Variants in PIK3C2B observed in about 807,000 individuals in gnomAD.
The protein encoded by PIK3C2B is phosphatidylinositol 4-phosphate 3-kinase C2 domain-containing subunit beta.
Under a neutral mutation model 184.3 loss-of-function variants are expected in PIK3C2B, and 83 were observed. That is an observed-to-expected ratio of 0.45 (90% CI 0.38 to 0.54). The LOEUF is 0.54. PIK3C2B is among the 20% of genes least tolerant of loss of function. PIK3C2B has a pLI of 0.00. For missense variants in PIK3C2B, 1,736 were observed against 2,113.5 expected (o/e 0.82, Z 3.50); for synonymous variants, 779 against 837.6 (o/e 0.93, Z 1.21).
chr1:204,434,669 G>C, intron 23 of PIK3C2B, 61 bp from the exon 24 acceptor site: 2 of 1,433,534 alleles, frequency 1.4e-6, no homozygotes, highest in South Asian at 2.6e-5. Context: ...AGGACTCCAG[G>C]GGCCACAGCC....
chr1:204,475,930 C>T (rs1480569398), intron 1 of PIK3C2B, among the ~76,000 whole-genome samples: 1 of 152,134 alleles, frequency 6.6e-6, no homozygotes, highest in African/African-American at 2.4e-5. Context: ...ACTGGCAATG[C>T]TCCTCCCAAA....
intron 1 of PIK3C2B, among the ~76,000 whole-genome samples, chr1:204,486,327 G>A (rs1382501979): frequency 6.6e-6 from 1 of 150,726 alleles, no homozygotes; most frequent in African/African-American, 2.4e-5. Context: ...CCCGGGAGGT[G>A]GAGGTTGCAG....
chr1:204,427,603 G>C, intron 31 of PIK3C2B, 45 bp downstream of exon 31: 1 of 1,359,888 alleles, frequency 7.4e-7, no homozygotes, highest in Non-Finnish European at 1.0e-6. Context: ...AGTAGCTAAA[G>C]AAACATTAAA....
At position 204,438,986 on chromosome 1, in the gene PIK3C2B, G is replaced by T; in HGVS notation, c.3465C>A (p.Pro1155=). ...HGVTGSFKDR[P]LADWLQKHNP... ...TGTGTTTCTGCAGCCAGTCTGCCAG[G>T]GGCCGGTCCTTGAACGAGCCGGTCA... Residue 1155 remains proline, a synonymous_variant, in exon 23 of 33, where the codon CCC becomes CCA. Transcript: ENST00000684373. 6.2e-7 allele frequency: 1 copy of T among 1,614,124 alleles called. No homozygotes were observed. Among genetic ancestry groups the T allele is most frequent in the Non-Finnish European group, 8.5e-7 (1 of 1,180,028 alleles).
At chr1:204,473,545 G>C (rs972101487) in intron 1 of PIK3C2B, among the ~76,000 whole-genome samples, 2 of 152,230 alleles carry the variant, frequency 1.3e-5, no homozygotes, top group African/African-American at 4.8e-5. Flanking sequence ...GGAGATACCA[G>C]ATAAATGCTC....
chr1:204,460,258 G>C (rs999254723), intron 7 of PIK3C2B, 66 bp downstream of exon 7: 3 of 1,299,946 alleles, frequency 2.3e-6, no homozygotes, highest in African/African-American at 2.9e-5. Flanking sequence ...AGGCAAGCAG[G>C]CACATCTGAT....
intron 29 of PIK3C2B, 53 bp downstream of exon 29, chr1:204,429,868 C>T: frequency 8.2e-7 from 1 of 1,225,072 alleles, no homozygotes; most frequent in Non-Finnish European, 1.2e-6. Context: ...CCTCTGCCTC[C>T]CCAACCATCC....
At chr1:204,466,775 G>A (rs550960198) in intron 2 of PIK3C2B, 11 of 503,782 alleles carry the variant, frequency 2.2e-5, no homozygotes, top group Non-Finnish European at 4.0e-5. Context: ...ACTTACGTTT[G>A]CCCAGCTGGC....
chr1:204,443,824 C>T (rs1042415443), intron 18 of PIK3C2B, among the ~76,000 whole-genome samples: 11 of 152,222 alleles, frequency 7.2e-5, no homozygotes. Context: ...CCCTCTGCAT[C>T]TTGTTTCTCC....
At chr1:204,487,806 G>T (rs868591253) in intron 1 of PIK3C2B, among the ~76,000 whole-genome samples, 6 of 152,090 alleles carry the variant, frequency 3.9e-5, no homozygotes, top group Non-Finnish European at 5.9e-5. Flanking sequence ...TGAGCTTATA[G>T]GATTACCCCA....
intron 3 of PIK3C2B, 78 bp from the exon 4 acceptor site, chr1:204,464,682 C>T (rs1655611074): frequency 1.4e-6 from 2 of 1,393,452 alleles, no homozygotes; most frequent in African/African-American, 1.4e-5. Context: ...GAACCTCATG[C>T]TCTGAGGCTC....
chr1:204,435,404 T>C lies in PIK3C2B; in HGVS notation c.3517-796A>G, dbSNP rs554706986. 2.6e-5 allele frequency: 4 copies of C among 152,320 alleles called. No individual in the cohort carries two copies. The East Asian group carries it at 5.8e-4, about 22-fold the overall frequency. The allele number at this position is 152,320 out of a possible 1,614,324, so 9.4% of individuals were successfully genotyped here. A position where few individuals can be genotyped will look rare whatever the true frequency, so the allele number is the denominator to read the frequency against. ...TTCAAAATCCTCTTCGTGAGGTTTA[T>C]AGAATTCCTAAGAACTCAGGAAAGA... On this transcript the variant is annotated intron_variant, in intron 23 of 32. Transcript: ENST00000684373.
rs1272383195 is a variant in PIK3C2B, at chr1:204,460,656, T to C, written c.1316A>G (p.His439Arg). The C allele has an allele frequency of 2.5e-6, 4 of 1,606,176 alleles. No homozygotes were observed. In the Middle Eastern group the frequency reaches 5.0e-4, roughly 200 times the overall value. Reference sequence around the variant, plus strand: ...GATGTACTCATGACTGCCCAAGGCATGCTTGCTGGTAGGGTAGAGGGACAA... The same window carrying C: ...GATGTACTCATGACTGCCCAAGGCACGCTTGCTGGTAGGGTAGAGGGACAA... ...CGLEEFLQNK[H>R]ALGSHEYIQY... is the part of the protein sequence containing the mutation. The change falls in exon 6 of 33, where the codon CAT becomes CGT. Residue 439 changes from histidine (H) to arginine (R), a missense_variant. By Grantham distance (29) the His-to-Arg change is conservative. Around this residue, in one of 8 missense-constraint regions of PIK3C2B, gnomAD observed 609 missense variants for 699.2 expected, o/e 0.87. Transcript: ENST00000684373.
chr1:204,427,693 G>A lies in PIK3C2B; in HGVS notation c.4542C>T (p.Tyr1514=). 1 of 1,614,024 alleles carries A rather than the reference G, an allele frequency of 6.2e-7. No homozygotes were observed. Among genetic ancestry groups the A allele is most frequent in the East Asian group, 2.2e-5 (1 of 44,888 alleles). The change falls in exon 31 of 33, where the codon TAC becomes TAT. Residue 1514 remains tyrosine (Y), a synonymous_variant. Transcript: ENST00000684373. ...VGGEVKLSIS[Y]KNNKLFIMVM... is the part of the protein sequence containing the mutation. The stretch of plus-strand genomic sequence containing the variant: ...CCATGATGAAGAGTTTATTGTTTTT[G>A]TAGGAGATGGACAGCTTCACCTCCC...
intron 1 of PIK3C2B, among the ~76,000 whole-genome samples, chr1:204,474,015 G>A (rs1022144572): frequency 9.6e-5 from 10 of 104,518 alleles, no homozygotes; most frequent in South Asian, 3.3e-4. Context: ...TTTTGAGATG[G>A]AGTTTCGCTC....
chr1:204,434,100 C>A, intron 24 of PIK3C2B, 151 bp from the exon 25 acceptor site: 1 of 659,240 alleles, frequency 1.5e-6, no homozygotes, highest in Non-Finnish European at 2.7e-6. Context: ...CCTTTCCTAC[C>A]TTAATCTTAA....
intron 14 of PIK3C2B, among the ~76,000 whole-genome samples, chr1:204,448,633 CAAA>C (rs11455070): frequency 1.6e-3 from 198 of 122,190 alleles, no homozygotes; most frequent in Middle Eastern, 4.2e-3. Context: ...GATCCTGTCT[CAAA>C]AAAAAAAAAA....
At chr1:204,489,799 A>C (rs1657890241) in intron 1 of PIK3C2B, 1 of 397,932 alleles carries the variant, frequency 2.5e-6, no homozygotes, top group Non-Finnish European at 4.4e-6. Flanking sequence ...ATTACCTGAG[A>C]CAAAAAGAAC....
At chr1:204,432,075 G>A in intron 27 of PIK3C2B, 125 bp downstream of exon 27, 1 of 876,598 alleles carries the variant, frequency 1.1e-6, no homozygotes, top group Non-Finnish European at 1.9e-6. Context: ...GTCCAGGACT[G>A]CTCCCAGCAC....
Sources: gnomAD v4.1 joint callset for allele counts (sites outside exome capture counted in the v4.1 genomes callset) on GRCh38, gnomAD v4.1.1 for gene constraint, gnomAD v4.1.1 regional missense constraint, MANE v1.5 for transcripts, NCBI Gene and HGNC (gene_info 2026-07-23, HGNC 2026-07-21) for gene names.